Variants in PAK1 observed in about 807,000 individuals in gnomAD.
PAK1 encodes serine/threonine-protein kinase PAK 1.
Under a neutral mutation model 67.4 loss-of-function variants are expected in PAK1, and 29 were observed. The ratio of observed to expected loss-of-function variants is 0.43; its 90% CI spans 0.32 to 0.59. The LOEUF (loss-of-function observed/expected upper bound fraction) is 0.59, where lower values mean the gene tolerates loss of function less well. Among genes scored for constraint, PAK1 ranks in the 20% least tolerant of loss-of-function variants. The pLI, the probability that PAK1 is intolerant of heterozygous loss-of-function variation, is 0.07. For synonymous variants in PAK1, 223 were observed against 237.4 expected (o/e 0.94, Z 0.56); for missense variants, 337 against 670.7 (o/e 0.50, Z 5.50).
the PAK1 span, among the ~76,000 whole-genome samples, chr11:77,486,855 C>T: frequency 3.9e-4 from 47 of 121,172 alleles, no homozygotes; most frequent in African/African-American, 1.4e-3. Flanking sequence ...TCTAAGTAAA[C>T]TTGAGAGGCA....
At chr11:77,400,003 C>T (rs1178736075) in intron 1 of PAK1, among the ~76,000 whole-genome samples, 1 of 150,526 alleles carries the variant, frequency 6.6e-6, no homozygotes, top group Non-Finnish European at 1.5e-5. Flanking sequence ...TACACAGGTA[C>T]TCACTGTAAG....
the PAK1 span, among the ~76,000 whole-genome samples, chr11:77,509,059 A>G: frequency 6.7e-6 from 1 of 149,526 alleles, no homozygotes; most frequent in African/African-American, 2.4e-5. Context: ...TCACAAGGTC[A>G]GGAGATGGAG....
intron 1 of PAK1, among the ~76,000 whole-genome samples, chr11:77,433,657 T>C (rs1388156228): frequency 6.6e-6 from 1 of 152,146 alleles, no homozygotes; most frequent in Non-Finnish European, 1.5e-5. Context: ...CACGCTCCTG[T>C]AGTCCCAGCT....
intron 5 of PAK1, among the ~76,000 whole-genome samples, chr11:77,364,513 T>C (rs959080092): frequency 6.6e-6 from 1 of 152,148 alleles, no homozygotes; most frequent in South Asian, 2.1e-4. Context: ...ACAGAGACTA[T>C]GTCACAGATT....
At chr11:77,452,530 T>C (rs1956904163) in intron 1 of PAK1, among the ~76,000 whole-genome samples, 1 of 152,020 alleles carries the variant, frequency 6.6e-6, no homozygotes, top group Non-Finnish European at 1.5e-5. Context: ...GAATTAGACA[T>C]CTCCTAGGGT....
At chr11:77,489,399 C>A in the PAK1 span, among the ~76,000 whole-genome samples, 14 of 151,514 alleles carry the variant, frequency 9.2e-5, no homozygotes, top group African/African-American at 3.4e-4. Context: ...CCTCTCTCCT[C>A]TCTCCTCTCT....
chr11:77,441,441 C>A (rs775660546), intron 1 of PAK1, among the ~76,000 whole-genome samples: 2 of 152,186 alleles, frequency 1.3e-5, no homozygotes, highest in Non-Finnish European at 2.9e-5. Context: ...AGTCTCTCTA[C>A]CTCTTTTTCC....
chr11:77,323,747 A>C (rs1938952859), intron 14 of PAK1, among the ~76,000 whole-genome samples: 1 of 152,220 alleles, frequency 6.6e-6, no homozygotes, highest in South Asian at 2.1e-4. Flanking sequence ...TATACAGAAA[A>C]TTACACAGCA....
At chr11:77,341,295 G>GA (rs1254780784) in intron 10 of PAK1, among the ~76,000 whole-genome samples, 2 of 151,482 alleles carry the variant, frequency 1.3e-5, no homozygotes, top group Non-Finnish European at 2.9e-5. Flanking sequence ...ATAAATCACT[G>GA]AAAAAATAAA....
chr11:77,394,573 G>A (rs978304560), intron 1 of PAK1, among the ~76,000 whole-genome samples: 2 of 152,076 alleles, frequency 1.3e-5, no homozygotes, highest in Non-Finnish European at 2.9e-5. Context: ...CTGGCTGGGA[G>A]CAGTGGCTCA....
intron 1 of PAK1, among the ~76,000 whole-genome samples, chr11:77,461,397 A>G (rs1451538341): frequency 6.6e-6 from 1 of 152,240 alleles, no homozygotes; most frequent in Non-Finnish European, 1.5e-5. Context: ...ATTATCCTCC[A>G]TAATCTGGAT....
chr11:77,439,114 T>A (rs1283198177), intron 1 of PAK1, among the ~76,000 whole-genome samples: 1 of 152,196 alleles, frequency 6.6e-6, no homozygotes, highest in East Asian at 1.9e-4. Context: ...ATCTTTTAAA[T>A]GTTAGGACTT....
At chr11:77,469,506 G>A (rs776582198) in intron 1 of PAK1, among the ~76,000 whole-genome samples, 8 of 152,004 alleles carry the variant, frequency 5.3e-5, no homozygotes, top group African/African-American at 9.7e-5. Flanking sequence ...TAAACTAGTC[G>A]TAGCAACTAT....
chr11:77,529,044 C>CA, the PAK1 span, among the ~76,000 whole-genome samples: 5 of 152,174 alleles, frequency 3.3e-5, no homozygotes, highest in Non-Finnish European at 7.3e-5. Flanking sequence ...ATAATTTTAG[C>CA]AACCACTGAT....
chr11:77,349,151 G>C (rs1214659947), intron 9 of PAK1, 88 bp downstream of exon 9: 15 of 742,588 alleles, frequency 2.0e-5, no homozygotes, highest in Non-Finnish European at 2.5e-5. Flanking sequence ...ACCTAGAACT[G>C]TTCCTGTTGA....
At chr11:77,392,651 C>T in intron 1 of PAK1, 110 bp from the exon 2 acceptor site, 1 of 759,508 alleles carries the variant, frequency 1.3e-6, no homozygotes, top group South Asian at 2.2e-5. Flanking sequence ...CCTTCAGGGT[C>T]TAGCTCAAGT....
intron 5 of PAK1, among the ~76,000 whole-genome samples, chr11:77,365,757 C>T (rs1253544241): frequency 6.6e-6 from 1 of 151,910 alleles, no homozygotes; most frequent in South Asian, 2.1e-4. Flanking sequence ...CGCCTGAACT[C>T]AGGAGGCAGA....
At chr11:77,506,195 C>T in the PAK1 span, among the ~76,000 whole-genome samples, 1 of 152,184 alleles carries the variant, frequency 6.6e-6, no homozygotes, top group South Asian at 2.1e-4. Flanking sequence ...TACAGCAACC[C>T]TGTAAGAGAG....
intron 14 of PAK1, among the ~76,000 whole-genome samples, chr11:77,330,421 T>C (rs1941201556): frequency 7.9e-5 from 12 of 152,206 alleles, no homozygotes; most frequent in Admixed American, 7.2e-4. Context: ...AGCATGGTAC[T>C]GGTACCAAAA....
Sources: allele counts gnomAD v4.1 joint callset (sites outside exome capture counted in the v4.1 genomes callset), GRCh38; gene constraint gnomAD v4.1.1; transcripts MANE v1.5; gene names NCBI Gene and HGNC (gene_info 2026-07-23, HGNC 2026-07-21).